TAFA1: variants seen among roughly 807,000 people sequenced by gnomAD.
The protein encoded by TAFA1 is TAFA chemokine like family member 1.
Under a neutral mutation model 18.5 loss-of-function variants are expected in TAFA1, and 4 were observed. That is an observed-to-expected ratio of 0.22 (90% CI 0.11 to 0.49). The LOEUF is 0.49. Ranked by LOEUF, TAFA1 falls within the 20% of genes least tolerant of loss-of-function variation. TAFA1 has a pLI of 0.98. For synonymous variants in TAFA1, 56 were observed against 55.2 expected, an observed-to-expected ratio of 1.01 and a Z score of -0.06; for missense variants, 147 against 169.0, an observed-to-expected ratio of 0.87 and a Z score of 0.72.
intron 3 of TAFA1, among the ~76,000 whole-genome samples, chr3:68,472,179 A>G (rs1408425037): frequency 6.6e-6 from 1 of 152,146 alleles, no homozygotes; most frequent in Non-Finnish European, 1.5e-5. Context: ...TCAAGTATAG[A>G]TAATTGAATC....
At chr3:68,400,764 C>A (rs563089526) in intron 2 of TAFA1, among the ~76,000 whole-genome samples, 21 of 152,250 alleles carry the variant, frequency 1.4e-4, no homozygotes, top group African/African-American at 5.1e-4. Flanking sequence ...TAACTACACA[C>A]TTGAGGGGAA....
rs553465290 is a variant in TAFA1 at position 68,230,901 on chromosome 3, C to T, written c.119-186379C>T. On this transcript the variant is annotated intron_variant, in intron 2 of 4. Coordinates refer to ENST00000478136, the MANE Select transcript of TAFA1 (RefSeq NM_213609.4). ...GTTGAATATTTTTATATCTGTTGAC[C>T]ATTTGTATGTCTTCTTTTGAGAAAT... Among the ~76,000 whole-genome samples, 13 of 152,132 alleles carry T rather than the reference C, an allele frequency of 8.5e-5. No homozygotes were observed. In the South Asian group the frequency reaches 2.7e-3, roughly 32 times the overall value.
At chr3:68,264,665 A>G (rs576247585) in intron 2 of TAFA1, among the ~76,000 whole-genome samples, 2 of 152,300 alleles carry the variant, frequency 1.3e-5, no homozygotes, top group East Asian at 1.9e-4. Flanking sequence ...AACACAGTCA[A>G]TGAAAGTCTT....
chr3:68,384,497 A>G (rs1019063334), intron 2 of TAFA1, among the ~76,000 whole-genome samples: 8 of 152,016 alleles, frequency 5.3e-5, no homozygotes, highest in Non-Finnish European at 1.2e-4. Flanking sequence ...CTTTGTTTTG[A>G]TTTCTAATTT....
At chr3:68,162,621 C>T (rs2065938981) in intron 2 of TAFA1, among the ~76,000 whole-genome samples, 1 of 152,118 alleles carries the variant, frequency 6.6e-6, no homozygotes, top group African/African-American at 2.4e-5. Context: ...CCCTATGGCT[C>T]AATAGTGTGG....
chr3:68,292,339 G>A (rs1292022761), intron 2 of TAFA1, among the ~76,000 whole-genome samples: 7 of 147,280 alleles, frequency 4.8e-5, no homozygotes, highest in South Asian at 2.1e-4. Flanking sequence ...GCTTGAGCCC[G>A]ACAGATCGAG....
chr3:68,432,536 T>A (rs2071196925), intron 3 of TAFA1, among the ~76,000 whole-genome samples: 1 of 152,002 alleles, frequency 6.6e-6, no homozygotes, highest in South Asian at 2.1e-4. Flanking sequence ...TTTTCCTCAT[T>A]TGATTACCTC....
intron 3 of TAFA1, among the ~76,000 whole-genome samples, chr3:68,504,219 G>A (rs1511902): frequency 6.6e-6 from 1 of 151,874 alleles, no homozygotes; most frequent in Non-Finnish European, 1.5e-5. Context: ...TCTTTCTTTC[G>A]CATAAAACCT....
intron 2 of TAFA1, among the ~76,000 whole-genome samples, chr3:68,409,581 C>A (rs1202628824): frequency 6.6e-6 from 1 of 152,286 alleles, no homozygotes; most frequent in South Asian, 2.1e-4. Context: ...TCATGCAGAA[C>A]TGTGAGTCAG....
chr3:68,446,048 C>T (rs182907744), intron 3 of TAFA1, among the ~76,000 whole-genome samples: 40 of 152,176 alleles, frequency 2.6e-4, no homozygotes, highest in African/African-American at 8.7e-4. Context: ...ACCACAGACA[C>T]ATACCACTAT....
At chr3:68,382,201 T>C (rs886775857) in intron 2 of TAFA1, among the ~76,000 whole-genome samples, 15 of 152,184 alleles carry the variant, frequency 9.9e-5, no homozygotes, top group African/African-American at 3.6e-4. Flanking sequence ...TTGAGGATTT[T>C]TGCATCAATG....
chr3:68,013,474 G>T (rs1704511634), intron 2 of TAFA1, among the ~76,000 whole-genome samples: 1 of 152,008 alleles, frequency 6.6e-6, no homozygotes, highest in South Asian at 2.1e-4. Flanking sequence ...AATCCCTAAG[G>T]TTTTCAGTCA....
intron 3 of TAFA1, among the ~76,000 whole-genome samples, chr3:68,431,522 C>T (rs2071171610): frequency 1.3e-5 from 2 of 151,946 alleles, no homozygotes; most frequent in Non-Finnish European, 2.9e-5. Flanking sequence ...AACTGGGGCT[C>T]AAGATGATAA....
At chr3:68,141,434 CAG>C (rs948446022) in intron 2 of TAFA1, among the ~76,000 whole-genome samples, 3 of 152,120 alleles carry the variant, frequency 2.0e-5, no homozygotes, top group Non-Finnish European at 4.4e-5. Flanking sequence ...AGAGAGAACT[CAG>C]GTCGTCAGCA....
At chr3:68,180,727 T>G (rs1022846551) in intron 2 of TAFA1, among the ~76,000 whole-genome samples, 1 of 149,732 alleles carries the variant, frequency 6.7e-6, no homozygotes, top group Non-Finnish European at 1.5e-5. Context: ...CCTTTATGTG[T>G]GTGGTCACCA....
At chr3:68,474,579 A>C (rs1313228700) in intron 3 of TAFA1, among the ~76,000 whole-genome samples, 1 of 152,252 alleles carries the variant, frequency 6.6e-6, no homozygotes, top group Non-Finnish European at 1.5e-5. Context: ...AACCTGAAAT[A>C]GTTCAATGCA....
At chr3:68,083,017 T>A (rs2106780025) in intron 2 of TAFA1, among the ~76,000 whole-genome samples, 1 of 152,328 alleles carries the variant, frequency 6.6e-6, no homozygotes, top group East Asian at 1.9e-4. Context: ...AATTGTACCT[T>A]AATTTGTGAA....
chr3:68,287,408 T>C (rs1019308349), intron 2 of TAFA1, among the ~76,000 whole-genome samples: 1 of 152,126 alleles, frequency 6.6e-6, no homozygotes, highest in Non-Finnish European at 1.5e-5. Flanking sequence ...CCCTCCTCCT[T>C]GAGAGAACAG....
chr3:68,264,441 G>A (rs1318445303), intron 2 of TAFA1, among the ~76,000 whole-genome samples: 2 of 152,116 alleles, frequency 1.3e-5, no homozygotes, highest in East Asian at 3.8e-4. Flanking sequence ...TTACCTGGCT[G>A]TGGTTCTCTT....
Sources: allele counts gnomAD v4.1 joint callset (sites outside exome capture counted in the v4.1 genomes callset), GRCh38; gene constraint gnomAD v4.1.1; transcripts MANE v1.5; gene names NCBI Gene and HGNC (gene_info 2026-07-23, HGNC 2026-07-21).